The following KLF13 variants were observed in gnomAD, a reference collection of about 807,000 sequenced individuals.
KLF13 encodes the protein Krueppel-like factor 13.
Under a neutral mutation model 16.7 loss-of-function variants are expected in KLF13, and 8 were observed. That is an observed-to-expected ratio of 0.48 (90% CI 0.28 to 0.87). The LOEUF (loss-of-function observed/expected upper bound fraction) is 0.87. Ranked by LOEUF, KLF13 falls within the 40% of genes least tolerant of loss-of-function variation. KLF13 has a pLI of 0.10. For missense variants in KLF13, 447 were observed against 452.2 expected (o/e 0.99, Z 0.10); for synonymous variants, 245 against 208.4 (o/e 1.18, Z -1.51).
intron 2 of KLF13, among the ~76,000 whole-genome samples, chr15:31,401,340 C>A (rs1337219660): frequency 3.3e-5 from 5 of 152,216 alleles, no homozygotes; most frequent in Non-Finnish European, 7.3e-5. Flanking sequence ...GCTCTTTTCA[C>A]GAAGTCCTTG....
chr15:31,363,550 G>C (rs72722839), intron 1 of KLF13, among the ~76,000 whole-genome samples: 36,794 of 152,194 alleles, frequency 0.24, 5,519 homozygotes, highest in East Asian at 0.37. Context: ...TCAGTGGTGT[G>C]ATCTCAGCTC....
chr15:31,348,290 G>A (rs754850888), intron 1 of KLF13, among the ~76,000 whole-genome samples: 14 of 152,234 alleles, frequency 9.2e-5, no homozygotes, highest in Admixed American at 2.0e-4. Context: ...TGCACTAAAG[G>A]GACAGCAGAA....
At chr15:31,428,820 A>AAAGAAAG (rs1555383803) in intron 1 of KLF13, among the ~76,000 whole-genome samples, 1 of 72,650 alleles carries the variant, frequency 1.4e-5, no homozygotes, top group Non-Finnish European at 2.3e-5. Flanking sequence ...AAAAAAAAAA[A>AAAGAAAG]AAAAAGAAAA....
chr15:31,360,971 C>T (rs1482304376), intron 1 of KLF13, among the ~76,000 whole-genome samples: 2 of 152,190 alleles, frequency 1.3e-5, no homozygotes, highest in Non-Finnish European at 2.9e-5. Context: ...TTCTGAGTGC[C>T]ATTGTTTTGA....
In KLF13 at chr15:31,423,152, T is replaced by TACACGTATATATAC. The variant is rs1182254561; in HGVS notation, n.118-12216_118-12215insACGTATATATACAC. 3.8e-3 allele frequency among the ~76,000 whole-genome samples: 445 copies of TACACGTATATATAC among 118,402 alleles called. 36 individuals carry two copies. Among genetic ancestry groups the TACACGTATATATAC allele is most frequent in the Non-Finnish European group, 5.3e-3 (322 of 60,944 alleles). 77.7% of individuals were successfully genotyped at this position (118,402 alleles called of 152,430 possible). ...ATATACGTATACGTATACGTATATA[T>TACACGTATATATAC]ACGTATATATATGTATATATATACA... On this transcript the variant is annotated intron_variant and non_coding_transcript_variant, in intron 1 of 1. Coordinates refer to the KLF13 transcript ENST00000558225.
chr15:31,365,258 C>A (rs2039447453), intron 1 of KLF13, among the ~76,000 whole-genome samples: 2 of 152,210 alleles, frequency 1.3e-5, no homozygotes, highest in Admixed American at 1.3e-4. Context: ...CCAGCGCTGC[C>A]CCTGCCATTG....
At chr15:31,413,196 A>AAC (rs1555382457) in intron 1 of KLF13, among the ~76,000 whole-genome samples, 8 of 146,734 alleles carry the variant, frequency 5.5e-5, no homozygotes, top group African/African-American at 2.0e-4. Flanking sequence ...ACAAAAAAAA[A>AAC]AAAAAACAAA....
At chr15:31,407,028 G>A (rs985662591), downstream of KLF13, among the ~76,000 whole-genome samples, 4 of 152,160 alleles carry the variant, frequency 2.6e-5, no homozygotes, top group South Asian at 2.1e-4. Flanking sequence ...TAACATATTC[G>A]TAGGTTCCAG....
chr15:31,358,876 T>C (rs937304080), intron 1 of KLF13, among the ~76,000 whole-genome samples: 2 of 152,222 alleles, frequency 1.3e-5, no homozygotes, highest in African/African-American at 4.8e-5. Flanking sequence ...AACCGCACAC[T>C]GGCTCCTGAA....
chr15:31,346,752 A>G (rs2039128421), intron 1 of KLF13, among the ~76,000 whole-genome samples: 1 of 152,240 alleles, frequency 6.6e-6, no homozygotes. Flanking sequence ...GTTTCTAGCG[A>G]GGGACATCCC....
intron 1 of KLF13, chr15:31,340,131 A>G (rs1425894894): frequency 4.4e-6 from 3 of 680,890 alleles, no homozygotes; most frequent in Non-Finnish European, 2.7e-6. Flanking sequence ...CTGCAGGTCT[A>G]TTTGGGTCCC....
chr15:31,368,612 G>A (rs551428494), intron 1 of KLF13, among the ~76,000 whole-genome samples: 7 of 152,280 alleles, frequency 4.6e-5, no homozygotes, highest in African/African-American at 1.7e-4. Context: ...CCAGCACTTT[G>A]GGAGGCTGAG....
chr15:31,368,725 G>A (rs1013802829), intron 1 of KLF13, among the ~76,000 whole-genome samples: 2 of 152,088 alleles, frequency 1.3e-5, no homozygotes, highest in Non-Finnish European at 1.5e-5. Context: ...GTGGGTAGGC[G>A]CCTGTAATCC....
intron 1 of KLF13, among the ~76,000 whole-genome samples, chr15:31,357,948 T>C (rs1188573928): frequency 6.6e-6 from 1 of 152,200 alleles, no homozygotes; most frequent in Non-Finnish European, 1.5e-5. Context: ...TCTGTTAAAA[T>C]CCACTTTCTT....
At chr15:31,412,476 GA>G (rs541275023) in intron 1 of KLF13, among the ~76,000 whole-genome samples, 10 of 148,942 alleles carry the variant, frequency 6.7e-5, no homozygotes, top group African/African-American at 1.7e-4. Context: ...AAACCACTAT[GA>G]AAAAAAAACA....
intron 1 of KLF13, among the ~76,000 whole-genome samples, chr15:31,341,058 C>T (rs930461713): frequency 2.6e-5 from 4 of 152,120 alleles, no homozygotes; most frequent in African/African-American, 4.8e-5. Flanking sequence ...CTTATTGGAT[C>T]GCCTCATGGA....
chr15:31,327,887 G>T, intron 1 of KLF13, 98 bp downstream of exon 1: 2 of 1,161,124 alleles, frequency 1.7e-6, no homozygotes, highest in Non-Finnish European at 2.1e-6. Flanking sequence ...CGAGGTGGGG[G>T]CCGGGCGGGC....
In KLF13 at chr15:31,373,622, T is replaced by A. The variant is rs2039593060; in HGVS notation, c.*1323T>A. ...GGCCACACCCAGCTGGTGGGGCTGC[T>A]CCAGTGCCCCATCACCGGCCTTCTC... On this transcript the variant is annotated 3_prime_UTR_variant, in exon 2 of 2. Coordinates refer to ENST00000307145, the MANE Select transcript of KLF13 (RefSeq NM_015995.4). 1 of 152,158 alleles carries A rather than the reference T, an allele frequency of 6.6e-6. No homozygotes were observed. The highest frequency in any genetic ancestry group is 2.4e-5 in the African/African-American group (1 of 41,416). The allele number at this position is 152,158 out of a possible 1,614,324, so 9.4% of individuals were successfully genotyped here.
intron 1 of KLF13, among the ~76,000 whole-genome samples, chr15:31,350,599 G>C (rs2039201264): frequency 6.6e-6 from 1 of 152,214 alleles, no homozygotes. Context: ...CCATCCACTG[G>C]GTATTTAGAG....
Sources: allele counts gnomAD v4.1 joint callset (sites outside exome capture counted in the v4.1 genomes callset), GRCh38; gene constraint gnomAD v4.1.1; transcripts MANE v1.5; gene names NCBI Gene and HGNC (gene_info 2026-07-23, HGNC 2026-07-21).